EIF2B3: variants seen among roughly 807,000 people sequenced by gnomAD.
EIF2B3 encodes eukaryotic translation initiation factor 2B subunit gamma.
In EIF2B3, 20 loss-of-function variants were observed where a neutral mutation model predicts 54.1. The ratio of observed to expected loss-of-function variants is 0.37; its 90% CI spans 0.26 to 0.54. The LOEUF is 0.54. EIF2B3 is among the 20% of genes least tolerant of loss of function. The probability of loss-of-function intolerance (pLI) is 0.86; values close to 1 mark genes in which losing one functional copy is unlikely to be tolerated. For missense variants in EIF2B3, 448 were observed against 547.8 expected (o/e 0.82, Z 1.82); for synonymous variants, 153 against 188.1 (o/e 0.81, Z 1.52).
chr1:44,873,472 T>C (rs1165968991), intron 10 of EIF2B3, among the ~76,000 whole-genome samples: 1 of 152,180 alleles, frequency 6.6e-6, no homozygotes, highest in Non-Finnish European at 1.5e-5. Context: ...CCATCTTTCA[T>C]CCTTTCAATA....
chr1:44,942,407 ATATATATATATT>A (rs1322679716), intron 3 of EIF2B3, among the ~76,000 whole-genome samples: 2 of 17,640 alleles, frequency 1.1e-4, no homozygotes, highest in African/African-American at 8.8e-4. Flanking sequence ...ATATATATAT[ATATATATATATT>A]TTTTTTTTTT....
intron 5 of EIF2B3, among the ~76,000 whole-genome samples, chr1:44,916,769 G>A (rs1269000209): frequency 6.7e-6 from 1 of 148,376 alleles, no homozygotes; most frequent in East Asian, 2.0e-4. Flanking sequence ...GCTGCAGTGA[G>A]CCACTGTACT....
intron 11 of EIF2B3, among the ~76,000 whole-genome samples, chr1:44,851,361 A>G (rs1254361862): frequency 6.6e-6 from 1 of 151,976 alleles, no homozygotes; most frequent in East Asian, 1.9e-4. Context: ...CACCACGCCC[A>G]GCCAAACCCA....
chr1:44,874,438 T>C, intron 10 of EIF2B3: 1 of 523,660 alleles, frequency 1.9e-6, no homozygotes. Flanking sequence ...TTGCCCTTTT[T>C]CTGAGTTGAA....
intron 5 of EIF2B3, among the ~76,000 whole-genome samples, chr1:44,916,739 A>T (rs1643631468): frequency 6.7e-6 from 1 of 149,930 alleles, no homozygotes. Flanking sequence ...AGGAGGATTG[A>T]TTGAGCCCAG....
chr1:44,935,565 T>C (rs1303046767), intron 4 of EIF2B3, among the ~76,000 whole-genome samples: 1 of 152,198 alleles, frequency 6.6e-6, no homozygotes, highest in Non-Finnish European at 1.5e-5. Flanking sequence ...AGTGGCGTGA[T>C]CTTGGCTCAC....
Position 44,850,796 on chromosome 1 carries a change from C to T in EIF2B3, c.*155G>A. On this transcript the variant is annotated 3_prime_UTR_variant, in exon 12 of 12. Transcript: ENST00000360403. ...GAACATACACTGTGTACACCTGGAG[C>T]CCACCTGACATGGAGCTTTGGACTG... The T allele has an allele frequency of 1.3e-6, 1 of 767,866 alleles. No individual in the cohort carries two copies. Among genetic ancestry groups the T allele is most frequent in the East Asian group, 2.6e-5 (1 of 39,020 alleles). 47.6% of individuals were successfully genotyped at this position (767,866 alleles called of 1,614,324 possible).
intron 3 of EIF2B3, among the ~76,000 whole-genome samples, chr1:44,944,010 G>A (rs941982963): frequency 1.3e-5 from 2 of 152,026 alleles, no homozygotes; most frequent in African/African-American, 2.4e-5. Context: ...CGGGCATGGT[G>A]GCACATGCCT....
intron 3 of EIF2B3, among the ~76,000 whole-genome samples, chr1:44,955,353 C>G (rs1644211101): frequency 6.6e-6 from 1 of 152,096 alleles, no homozygotes; most frequent in East Asian, 1.9e-4. Flanking sequence ...ATACCTTATA[C>G]AAAAATTAAA....
In EIF2B3 at chr1:44,932,662, A is replaced by G. The variant is rs184879739; in HGVS notation, c.455-5923T>C. ...CCCCTCCCATCCCAAGAAAAAGAGG[A>G]AAAAAGTGTTTCATGCAAAGAATCA... is the stretch of plus-strand genomic sequence containing the variant. On this transcript the variant is annotated intron_variant, in intron 4 of 11. Coordinates refer to ENST00000360403, the MANE Select transcript of EIF2B3 (RefSeq NM_020365.5). Among the ~76,000 whole-genome samples the G allele has an allele frequency of 1.7e-3, 266 of 152,284 alleles. 1 individual carries two copies. Among genetic ancestry groups the G allele is most frequent in the African/African-American group, 6.1e-3 (253 of 41,570 alleles).
In EIF2B3 at chr1:44,897,438, A is replaced by G; in HGVS notation, c.573T>C (p.Pro191=). 6.2e-7 allele frequency: 1 copy of G among 1,610,576 alleles called. No individual in the cohort carries two copies. Among genetic ancestry groups the G allele is most frequent in the Non-Finnish European group, 8.5e-7 (1 of 1,178,460 alleles). ...VIKGSILQKH[P]RIRFHTGLVD... Reference sequence around the variant, plus strand: ...CAAGACCCGTGTGGAAACGTATTCTAGGATGCCTGCAAAAAAATAAAAAAT... The same window carrying G: ...CAAGACCCGTGTGGAAACGTATTCTGGGATGCCTGCAAAAAAATAAAAAAT... Residue 191 remains proline (P), a synonymous_variant, in exon 6 of 12, where the codon CCT becomes CCC. Transcript: ENST00000360403.
chr1:44,918,782 T>A (rs1337671813), intron 5 of EIF2B3, among the ~76,000 whole-genome samples: 1 of 152,214 alleles, frequency 6.6e-6, no homozygotes, highest in African/African-American at 2.4e-5. Flanking sequence ...CTTATTTTCA[T>A]CATCAACCCT....
intron 4 of EIF2B3, among the ~76,000 whole-genome samples, chr1:44,927,468 T>C (rs1354068298): frequency 6.6e-6 from 1 of 152,004 alleles, no homozygotes; most frequent in Admixed American, 6.6e-5. Context: ...CCATGAGGGA[T>C]CCGCACCCAT....
At chr1:44,855,360 C>T (rs1654403322) in intron 11 of EIF2B3, among the ~76,000 whole-genome samples, 4 of 152,112 alleles carry the variant, frequency 2.6e-5, no homozygotes, top group Admixed American at 1.3e-4. Flanking sequence ...TTTATGAAGC[C>T]CATCTCATGA....
At position 44,883,316 on chromosome 1, in the gene EIF2B3, C is replaced by T. The variant is rs142028629; in HGVS notation, c.657-1577G>A. Among the ~76,000 whole-genome samples, 1,146 of 152,038 alleles carry T rather than the reference C, an allele frequency of 7.5e-3. 16 individuals carry two copies. Among genetic ancestry groups the T allele is most frequent in the African/African-American group, 0.026 (1,089 of 41,446 alleles). ...ACTGCCTTTATAAAACTAATAAAAGCGTACAAATTTAGGATTACAAGAGGG... is the reference window on the plus strand; with the variant it reads ...ACTGCCTTTATAAAACTAATAAAAGTGTACAAATTTAGGATTACAAGAGGG... On this transcript the variant is annotated intron_variant, in intron 6 of 11. Coordinates refer to ENST00000360403, the MANE Select transcript of EIF2B3 (RefSeq NM_020365.5).
chr1:44,889,232 G>A (rs1036277693), intron 6 of EIF2B3, among the ~76,000 whole-genome samples: 1 of 152,218 alleles, frequency 6.6e-6, no homozygotes, highest in African/African-American at 2.4e-5. Flanking sequence ...AAATTTAAAA[G>A]TGCTTTTTAA....
At chr1:44,933,127 T>C (rs1643911826) in intron 4 of EIF2B3, among the ~76,000 whole-genome samples, 1 of 151,910 alleles carries the variant, frequency 6.6e-6, no homozygotes, top group African/African-American at 2.4e-5. Context: ...ATTCACACAA[T>C]TGGAGCTTGG....
chr1:44,882,317 A>G (rs1360944987), intron 6 of EIF2B3, among the ~76,000 whole-genome samples: 1 of 152,246 alleles, frequency 6.6e-6, no homozygotes, highest in Non-Finnish European at 1.5e-5. Flanking sequence ...CTTTGCAAAA[A>G]TAACAGTGAC....
chr1:44,889,586 T>C (rs1183971484), intron 6 of EIF2B3, among the ~76,000 whole-genome samples: 1 of 151,764 alleles, frequency 6.6e-6, no homozygotes, highest in East Asian at 1.9e-4. Flanking sequence ...TTTATTTTTA[T>C]TTACTTTGTT....
Sources: gnomAD v4.1 joint callset for allele counts (sites outside exome capture counted in the v4.1 genomes callset) on GRCh38, gnomAD v4.1.1 for gene constraint, MANE v1.5 for transcripts, NCBI Gene and HGNC (gene_info 2026-07-23, HGNC 2026-07-21) for gene names.